ITK: variants seen among roughly 807,000 people sequenced by gnomAD.
ITK encodes IL2 inducible T cell kinase.
A neutral mutation model predicts 87.6 loss-of-function variants in ITK; 45 were observed. That is an observed-to-expected ratio of 0.51 (90% CI 0.40 to 0.66). The LOEUF is 0.66. ITK is among the 30% of genes least tolerant of loss of function. The probability of loss-of-function intolerance (pLI) is 0.00; values close to 1 mark genes in which losing one functional copy is unlikely to be tolerated. For missense variants in ITK, 605 were observed against 766.3 expected, an observed-to-expected ratio of 0.79 and a Z score of 2.48; for synonymous variants, 303 against 273.6, an observed-to-expected ratio of 1.11 and a Z score of -1.06.
intron 2 of ITK, among the ~76,000 whole-genome samples, chr5:157,210,040 C>T (rs1754157401): frequency 6.6e-6 from 1 of 152,090 alleles, no homozygotes; most frequent in East Asian, 1.9e-4. Flanking sequence ...ATTCTCCTGC[C>T]TCAGCCTACT....
intron 12 of ITK, 73 bp from the exon 13 acceptor site, chr5:157,244,189 T>C: frequency 1.7e-6 from 2 of 1,165,026 alleles, no homozygotes; most frequent in Non-Finnish European, 2.6e-6. Context: ...TTGGCTATTT[T>C]GGTACCATAA....
At chr5:157,240,446 A>G (rs1289799596) in intron 10 of ITK, 1 of 544,140 alleles carries the variant, frequency 1.8e-6, no homozygotes, top group South Asian at 2.0e-5. Flanking sequence ...CTCCATGGAT[A>G]AACTGTCTTC....
At chr5:157,202,505 G>T (rs531058830) in intron 1 of ITK, among the ~76,000 whole-genome samples, 1 of 152,238 alleles carries the variant, frequency 6.6e-6, no homozygotes, top group African/African-American at 2.4e-5. Flanking sequence ...GAGCCACCAC[G>T]CCTGGCCTCA....
chr5:157,231,926 A>G (rs1304203411), intron 7 of ITK, among the ~76,000 whole-genome samples: 2 of 152,230 alleles, frequency 1.3e-5, no homozygotes, highest in East Asian at 1.9e-4. Context: ...CCTCCTCCTT[A>G]TAACGAACTG....
chr5:157,203,307 T>C (rs1754012600), intron 1 of ITK, among the ~76,000 whole-genome samples: 1 of 152,266 alleles, frequency 6.6e-6, no homozygotes, highest in African/African-American at 2.4e-5. Flanking sequence ...TGGCTAAATG[T>C]ACTAGCCTTA....
chr5:157,209,834 T>C (rs985588482), intron 2 of ITK, among the ~76,000 whole-genome samples: 3 of 152,194 alleles, frequency 2.0e-5, no homozygotes, highest in South Asian at 4.1e-4. Context: ...CTTAGTCACA[T>C]TGGGCACATT....
chr5:157,249,022 T>G lies in ITK; in HGVS notation c.1791+15T>G. On this transcript the variant is annotated intron_variant, in intron 16 of 16. Transcript: ENST00000422843. ...GCTGGAAAGAGGTCAGTGGAGGAAGTGCTTCCCCATGCATTGTCGTATACA... is the reference window on the plus strand; with the variant it reads ...GCTGGAAAGAGGTCAGTGGAGGAAGGGCTTCCCCATGCATTGTCGTATACA... 6.2e-7 allele frequency: 1 copy of G among 1,610,928 alleles called. No individual in the cohort carries two copies. The highest frequency in any genetic ancestry group is 1.3e-5 in the African/African-American group (1 of 74,980).
intron 13 of ITK, among the ~76,000 whole-genome samples, chr5:157,244,698 ATT>A (rs1432894051): frequency 6.6e-6 from 1 of 152,114 alleles, no homozygotes; most frequent in Non-Finnish European, 1.5e-5. Context: ...CACCTCCTGC[ATT>A]TCAGTTTATA....
At chr5:157,203,964 C>T (rs1194369608) in intron 1 of ITK, among the ~76,000 whole-genome samples, 1 of 152,156 alleles carries the variant, frequency 6.6e-6, no homozygotes, top group Non-Finnish European at 1.5e-5. Flanking sequence ...GATAATAACA[C>T]ACTATAAATA....
At chr5:157,241,581 T>C in intron 10 of ITK, 65 bp from the exon 11 acceptor site, 1 of 1,104,340 alleles carries the variant, frequency 9.1e-7, no homozygotes, top group South Asian at 1.2e-5. Flanking sequence ...TTTTTAGTGA[T>C]TTAAGTTAGA....
At chr5:157,211,855 A>G (rs564527603) in intron 3 of ITK, among the ~76,000 whole-genome samples, 1 of 152,322 alleles carries the variant, frequency 6.6e-6, no homozygotes, top group South Asian at 2.1e-4. Flanking sequence ...TCTGTTTAAA[A>G]GGAAGAAAAG....
intron 16 of ITK, among the ~76,000 whole-genome samples, chr5:157,249,860 T>G (rs1755106805): frequency 6.6e-6 from 1 of 152,186 alleles, no homozygotes; most frequent in Non-Finnish European, 1.5e-5. Context: ...TCATAAGGAT[T>G]AGCTACAATA....
intron 8 of ITK, among the ~76,000 whole-genome samples, chr5:157,237,352 G>A (rs1188061084): frequency 2.0e-5 from 3 of 152,188 alleles, no homozygotes; most frequent in South Asian, 2.1e-4. Context: ...CATCAAGATA[G>A]TAACAATAGA....
At chr5:157,220,092 T>A (rs557589249) in intron 5 of ITK, among the ~76,000 whole-genome samples, 3 of 152,194 alleles carry the variant, frequency 2.0e-5, no homozygotes, top group Admixed American at 6.5e-5. Flanking sequence ...GGTAATGACA[T>A]CTCGGGTTGT....
At chr5:157,252,275 A>G (rs1311583780) in intron 16 of ITK, among the ~76,000 whole-genome samples, 1 of 152,128 alleles carries the variant, frequency 6.6e-6, no homozygotes, top group Non-Finnish European at 1.5e-5. Context: ...ATATATTTTT[A>G]TATGTGATTT....
chr5:157,249,016 A>G lies in ITK; in HGVS notation c.1791+9A>G. 4 of 1,612,808 alleles carry G rather than the reference A, an allele frequency of 2.5e-6. No individual in the cohort carries two copies. The highest frequency in any genetic ancestry group is 1.1e-5 in the South Asian group (1 of 91,036). ...ATCACTGCTGGAAAGAGGTCAGTGG[A>G]GGAAGTGCTTCCCCATGCATTGTCG... On this transcript the variant is annotated intron_variant, in intron 16 of 16. Transcript: ENST00000422843.
intron 2 of ITK, 86 bp downstream of exon 2, chr5:157,209,079 T>C: frequency 2.2e-6 from 2 of 905,018 alleles, no homozygotes; most frequent in East Asian, 5.0e-5. Context: ...TTCAAGCCTG[T>C]AATCCTAGCA....
chr5:157,189,595 T>C (rs1026187338), intron 1 of ITK, among the ~76,000 whole-genome samples: 2 of 152,154 alleles, frequency 1.3e-5, no homozygotes, highest in African/African-American at 4.8e-5. Context: ...GCAGGAGAAT[T>C]GCTTGAACCC....
chr5:157,206,805 T>A lies in ITK; in HGVS notation c.139-2084T>A, dbSNP rs530512699. On this transcript the variant is annotated intron_variant, in intron 1 of 16. Coordinates refer to ENST00000422843, the MANE Select transcript of ITK (RefSeq NM_005546.4). ...CTTTATGAGTATAGCTAGTGGCCTA[T>A]CTATCCTATTAATTTTTTCAAAAAA... Among the ~76,000 whole-genome samples the A allele has an allele frequency of 2.4e-3, 366 of 152,296 alleles. 1 individual carries two copies. Among genetic ancestry groups the A allele is most frequent in the Non-Finnish European group, 4.5e-3 (304 of 68,024 alleles).
Sources: allele counts gnomAD v4.1 joint callset (sites outside exome capture counted in the v4.1 genomes callset), GRCh38; gene constraint gnomAD v4.1.1; transcripts MANE v1.5; gene names NCBI Gene and HGNC (gene_info 2026-07-23, HGNC 2026-07-21).